NLRC5: variants seen among roughly 807,000 people sequenced by gnomAD.
NLRC5 encodes the protein protein NLRC5.
A neutral mutation model predicts 206.9 loss-of-function variants in NLRC5; 114 were observed. The ratio of observed to expected loss-of-function variants is 0.55; its 90% CI spans 0.47 to 0.64. The LOEUF (loss-of-function observed/expected upper bound fraction) is 0.64. Ranked by LOEUF, NLRC5 falls within the 30% of genes least tolerant of loss-of-function variation. The pLI is 0.00. For synonymous variants in NLRC5, 952 were observed against 962.8 expected (o/e 0.99, Z 0.21); for missense variants, 2,008 against 2,305.5 (o/e 0.87, Z 2.64).
chr16:57,021,502 G>A (rs12373120), intron 3 of NLRC5, among the ~76,000 whole-genome samples: 22,663 of 152,196 alleles, frequency 0.15, 2,156 homozygotes, highest in Middle Eastern at 0.27. Context: ...TGAGACTACA[G>A]TAGAACTATA....
chr16:57,006,407 C>T (rs2058905589), intron 1 of NLRC5, among the ~76,000 whole-genome samples: 1 of 113,062 alleles, frequency 8.8e-6, no homozygotes, highest in Non-Finnish European at 1.9e-5. Context: ...AGTTCATCTT[C>T]ATCCTCTTTT....
At chr16:57,028,846 C>T (rs1476939863) in intron 8 of NLRC5, among the ~76,000 whole-genome samples, 4 of 152,204 alleles carry the variant, frequency 2.6e-5, no homozygotes, top group African/African-American at 7.2e-5. Flanking sequence ...CACACATGCA[C>T]CTTTAACTAC....
intron 21 of NLRC5, 86 bp from the exon 22 acceptor site, chr16:57,046,466 C>A (rs542295512): frequency 1.8e-6 from 2 of 1,091,776 alleles, no homozygotes; most frequent in Non-Finnish European, 2.7e-6. Context: ...CCTTTCTAAA[C>A]GATCCCCCTC....
At chr16:57,021,601 C>A (rs780591751) in intron 3 of NLRC5, among the ~76,000 whole-genome samples, 3 of 152,170 alleles carry the variant, frequency 2.0e-5, no homozygotes, top group Non-Finnish European at 2.9e-5. Flanking sequence ...GAACTCCTGG[C>A]CTTAAGTGAT....
At chr16:57,080,005 A>G (rs1483038567) in intron 46 of NLRC5, among the ~76,000 whole-genome samples, 1 of 152,138 alleles carries the variant, frequency 6.6e-6, no homozygotes, top group Non-Finnish European at 1.5e-5. Flanking sequence ...TGGTAGAAAC[A>G]GTGGCTAAAG....
At chr16:57,035,225 T>A (rs1330927091) in intron 13 of NLRC5, among the ~76,000 whole-genome samples, 1 of 152,086 alleles carries the variant, frequency 6.6e-6, no homozygotes, top group Non-Finnish European at 1.5e-5. Context: ...AAAACTATCC[T>A]CTTTTCCTCC....
At chr16:57,059,819 G>C (rs1265411679) in intron 30 of NLRC5, among the ~76,000 whole-genome samples, 2 of 152,130 alleles carry the variant, frequency 1.3e-5, no homozygotes, top group Admixed American at 6.5e-5. Flanking sequence ...TGAGGCTTCT[G>C]AGTGTCACGG....
intron 1 of NLRC5, among the ~76,000 whole-genome samples, chr16:57,011,712 C>A (rs1239726080): frequency 3.8e-5 from 4 of 104,152 alleles, no homozygotes; most frequent in Non-Finnish European, 8.3e-5. Flanking sequence ...CAGAGCAAGA[C>A]CCTGTGTCAA....
intron 1 of NLRC5, among the ~76,000 whole-genome samples, chr16:57,010,714 GTGCAA>G (rs2059396615): frequency 6.6e-6 from 1 of 152,022 alleles, no homozygotes; most frequent in South Asian, 2.1e-4. Context: ...ATCATACTTA[GTGCAA>G]ATATTTTTCC....
At chr16:57,077,165 C>A in intron 40 of NLRC5, 131 bp from the exon 41 acceptor site, 1 of 805,594 alleles carries the variant, frequency 1.2e-6, no homozygotes, top group East Asian at 2.6e-5. Context: ...TGTCACTCAA[C>A]ATGGGGTGAT....
At chr16:57,070,337 A>G (rs556104130) in intron 37 of NLRC5, among the ~76,000 whole-genome samples, 198 bp from the exon 38 acceptor site, 20 of 152,168 alleles carry the variant, frequency 1.3e-4, no homozygotes, top group African/African-American at 4.8e-4. Flanking sequence ...GCCAGCTGTG[A>G]CTATCATGCC....
intron 22 of NLRC5, 58 bp from the exon 23 acceptor site, chr16:57,047,487 C>A: frequency 6.9e-7 from 1 of 1,449,434 alleles, no homozygotes; most frequent in East Asian, 2.4e-5. Flanking sequence ...GCCCCTGGGG[C>A]TAGCCAGGGA....
intron 46 of NLRC5, among the ~76,000 whole-genome samples, chr16:57,080,207 G>A (rs559466776): frequency 1.6e-4 from 24 of 152,124 alleles, no homozygotes; most frequent in Non-Finnish European, 2.2e-4. Flanking sequence ...AAGTGATTAC[G>A]AGAAGATTTT....
chr16:57,037,770 C>T (rs2062789254), intron 15 of NLRC5, among the ~76,000 whole-genome samples: 1 of 152,180 alleles, frequency 6.6e-6, no homozygotes, highest in Admixed American at 6.5e-5. Flanking sequence ...ACTAGGGAAC[C>T]CAATCCTATT....
intron 23 of NLRC5, among the ~76,000 whole-genome samples, chr16:57,048,947 C>T (rs919717420): frequency 1.3e-5 from 2 of 152,144 alleles, no homozygotes; most frequent in Non-Finnish European, 2.9e-5. Context: ...TACTAAATTG[C>T]CACAGTACGG....
At position 57,051,533 on chromosome 16, in the gene NLRC5, C is replaced by T; in HGVS notation, c.3423-5C>T. 1 of 1,612,496 alleles carries T rather than the reference C, an allele frequency of 6.2e-7. No individual in the cohort carries two copies. Among genetic ancestry groups the T allele is most frequent in the Non-Finnish European group, 8.5e-7 (1 of 1,178,516 alleles). On this transcript the variant is annotated splice_region_variant and splice_polypyrimidine_tract_variant and intron_variant, in intron 23 of 48. Transcript: ENST00000688547. ...CCCACCTCATCCACCTGCTTTGTTTCACAGATTGTCCTGTGAGTTCCTGAG... is the reference window on the plus strand; with the variant it reads ...CCCACCTCATCCACCTGCTTTGTTTTACAGATTGTCCTGTGAGTTCCTGAG...
rs2069092512 is a variant in NLRC5, at chr16:57,081,167, G to A, written c.5391G>A (p.Arg1797=). 1.9e-6 allele frequency: 3 copies of A among 1,542,120 alleles called. No homozygotes were observed. Among genetic ancestry groups the A allele is most frequent in the Non-Finnish European group, 2.6e-6 (3 of 1,147,376 alleles). The change falls in exon 47 of 49, where the codon CGG becomes CGA. Residue 1797 remains arginine (R), a synonymous_variant. Coordinates refer to ENST00000688547, the MANE Select transcript of NLRC5 (RefSeq NM_001384950.1). ...ELAQVLPQMG[R]LKRVDLEKNQ... ...CCCAGGTGCTGCCGCAGATGGGCCG[G>A]CTGAAGAGAGTGGAGTATGAGGGGC...
chr16:57,071,885 C>A (rs1250055198), intron 38 of NLRC5, among the ~76,000 whole-genome samples: 1 of 151,882 alleles, frequency 6.6e-6, no homozygotes, highest in Non-Finnish European at 1.5e-5. Flanking sequence ...CAGTGAGTAG[C>A]ATGCCTAGGA....
intron 17 of NLRC5, 72 bp from the exon 18 acceptor site, chr16:57,041,413 G>A (rs1567586125): frequency 1.7e-5 from 21 of 1,268,798 alleles, no homozygotes; most frequent in Non-Finnish European, 1.5e-5. Flanking sequence ...CTGTGTCTGG[G>A]GGGTGGGAAA....
Sources: allele counts gnomAD v4.1 joint callset (sites outside exome capture counted in the v4.1 genomes callset), GRCh38; gene constraint gnomAD v4.1.1; transcripts MANE v1.5; gene names NCBI Gene and HGNC (gene_info 2026-07-23, HGNC 2026-07-21).